Variants in LRCH3 observed in about 807,000 individuals in gnomAD.
LRCH3 encodes DISP complex protein LRCH3.
In LRCH3, 68 loss-of-function variants were observed where a neutral mutation model predicts 104.5. The observed-to-expected ratio is 0.65, with a 90% confidence interval of 0.54 to 0.80. The LOEUF is 0.80. Ranked by LOEUF, LRCH3 falls within the 30% of genes least tolerant of loss-of-function variation. The pLI, the probability that LRCH3 is intolerant of heterozygous loss-of-function variation, is 0.00. For missense variants in LRCH3, 951 were observed against 953.9 expected (o/e 1.00, Z 0.04); for synonymous variants, 344 against 361.3 (o/e 0.95, Z 0.54).
rs768197270 is a variant in LRCH3, at chr3:197,866,109, T to TA, written c.1766-2dup. The TA allele has an allele frequency of 6.3e-7, 1 of 1,599,932 alleles. No individual in the cohort carries two copies. The highest frequency in any genetic ancestry group is 1.3e-5 in the African/African-American group (1 of 74,764). ...TCTCATTTTATTTTTCATGCTAATT[T>TA]AGTTCATCATTCCCCTGCATATTCT... is the stretch of plus-strand genomic sequence containing the variant. On this transcript the variant is annotated splice_region_variant and splice_polypyrimidine_tract_variant and intron_variant, in intron 16 of 20. Coordinates refer to ENST00000425562, the MANE Select transcript of LRCH3 (RefSeq NM_001365715.1).
At chr3:197,868,986 T>G (rs1359271960) in intron 17 of LRCH3, among the ~76,000 whole-genome samples, 3 of 152,250 alleles carry the variant, frequency 2.0e-5, no homozygotes, top group Non-Finnish European at 4.4e-5. Flanking sequence ...TAAAAACATT[T>G]TTAAGTGGAT....
intron 1 of LRCH3, among the ~76,000 whole-genome samples, chr3:197,797,107 C>A (rs1731296519): frequency 6.7e-6 from 1 of 149,434 alleles, no homozygotes; most frequent in Admixed American, 6.7e-5. Flanking sequence ...GCGGGCAGAT[C>A]ACCCGATGTC....
At position 197,871,410 on chromosome 3, in the gene LRCH3, A is replaced by G. The variant is rs760899741; in HGVS notation, c.2078A>G (p.Asn693Ser). The G allele has an allele frequency of 3.7e-6, 6 of 1,614,152 alleles. No homozygotes were observed. Among genetic ancestry groups the G allele is most frequent in the Admixed American group, 1.7e-5 (1 of 60,020 alleles). Residue 693 changes from asparagine (N) to serine (S), a missense_variant, in exon 19 of 21, where the codon AAT (asparagine) becomes AGT (serine). Physicochemically the swap from Asn to Ser is conservative, Grantham distance 46 (BLOSUM62 1). Coordinates refer to ENST00000425562, the MANE Select transcript of LRCH3 (RefSeq NM_001365715.1). ...TDGVVLCHLA[N>S]HVRPRSVPSI... is the part of the protein sequence containing the mutation. ...GGTGTTGTTCTTTGCCATTTGGCCA[A>G]TCATGTGCGACCTCGATCTGTCCCA...
At chr3:197,792,681 C>T (rs1373093171) in intron 1 of LRCH3, among the ~76,000 whole-genome samples, 2 of 138,108 alleles carry the variant, frequency 1.4e-5, no homozygotes, top group Admixed American at 8.0e-5. Flanking sequence ...GACGGTATCT[C>T]GCTCTTGTCT....
chr3:197,817,925 A>G (rs1389667521), intron 3 of LRCH3, among the ~76,000 whole-genome samples: 1 of 152,150 alleles, frequency 6.6e-6, no homozygotes, highest in Non-Finnish European at 1.5e-5. Context: ...GGTTCACGCC[A>G]TTCTCCTGCC....
intron 1 of LRCH3, among the ~76,000 whole-genome samples, chr3:197,801,315 A>G (rs1731873757): frequency 6.6e-6 from 1 of 152,174 alleles, no homozygotes; most frequent in South Asian, 2.1e-4. Context: ...GGGAGAAGGA[A>G]AAAGCTGTGA....
chr3:197,869,760 C>T (rs1444626068), intron 17 of LRCH3, among the ~76,000 whole-genome samples: 3 of 127,838 alleles, frequency 2.3e-5, no homozygotes, highest in East Asian at 4.7e-4. Context: ...AGGTAGAAAG[C>T]GATGCACTGT....
At chr3:197,849,095 C>G (rs1044031896) in intron 12 of LRCH3, among the ~76,000 whole-genome samples, 6 of 151,948 alleles carry the variant, frequency 3.9e-5, no homozygotes, top group African/African-American at 1.5e-4. Flanking sequence ...AAAACCCTGT[C>G]TCAAGTAAAA....
At chr3:197,815,174 G>A (rs1733664422) in intron 2 of LRCH3, 122 bp downstream of exon 2, 3 of 542,520 alleles carry the variant, frequency 5.5e-6, no homozygotes, top group East Asian at 3.4e-5. Context: ...TTCTGTATGT[G>A]CTCTTGGATA....
At chr3:197,817,365 T>TATATATATATATAG (rs1361894950) in intron 3 of LRCH3, 63 bp downstream of exon 3, 1 of 56,132 alleles carries the variant, frequency 1.8e-5, no homozygotes, top group African/African-American at 1.3e-4. Context: ...TGTGTGTATA[T>TATATATATATATAG]ATATATATAT....
At position 197,835,497 on chromosome 3, in the gene LRCH3, TAAA is replaced by T. The variant is rs79382131; in HGVS notation, c.1103-158_1103-156del. Among the ~76,000 whole-genome samples the T allele has an allele frequency of 1.5e-3, 198 of 135,042 alleles. 2 individuals are homozygous for T. The highest frequency in any genetic ancestry group is 1.3e-3 in the Non-Finnish European group (85 of 63,890). The allele number at this position is 135,042 out of a possible 152,430, so 88.6% of individuals were successfully genotyped here. ...CCACCAACCTTGGACATAAAATGGG[TAAA>T]AAAAAAAAAAAAAAAAAAGACTTAA... On this transcript the variant is annotated intron_variant, in intron 8 of 20. Coordinates refer to ENST00000425562, the MANE Select transcript of LRCH3 (RefSeq NM_001365715.1).
At chr3:197,802,557 G>GT in intron 1 of LRCH3, among the ~76,000 whole-genome samples, 1 of 152,178 alleles carries the variant, frequency 6.6e-6, no homozygotes, top group East Asian at 1.9e-4. Flanking sequence ...CTTCTCTTTA[G>GT]TTTTTTTAAG....
intron 1 of LRCH3, among the ~76,000 whole-genome samples, chr3:197,800,481 G>A (rs1173162661): frequency 6.6e-6 from 1 of 152,178 alleles, no homozygotes; most frequent in Non-Finnish European, 1.5e-5. Context: ...ACCACAGTGG[G>A]TACTACTTTA....
chr3:197,804,569 G>A (rs1732262924), intron 1 of LRCH3, among the ~76,000 whole-genome samples: 1 of 152,138 alleles, frequency 6.6e-6, no homozygotes, highest in South Asian at 2.1e-4. Flanking sequence ...GAGGACTGGG[G>A]CTTTCCACCC....
At chr3:197,845,006 G>A (rs1738433482) in intron 10 of LRCH3, among the ~76,000 whole-genome samples, 1 of 152,178 alleles carries the variant, frequency 6.6e-6, no homozygotes, top group Admixed American at 6.5e-5. Context: ...CTTGTGAGGT[G>A]AAAGAAAGTT....
chr3:197,865,530 TTAAAAAA>T (rs1461589097), intron 16 of LRCH3, 59 bp downstream of exon 16: 1 of 1,121,972 alleles, frequency 8.9e-7, no homozygotes. Flanking sequence ...ATTTTTTTAT[TTAAAAAA>T]TAATAATAAA....
intron 17 of LRCH3, 85 bp from the exon 18 acceptor site, chr3:197,870,075 G>T (rs1711953423): frequency 7.1e-7 from 1 of 1,416,454 alleles, no homozygotes; most frequent in Admixed American, 1.8e-5. Context: ...CACTGCACTT[G>T]CAGGGAAACT....
At chr3:197,876,804 T>A (rs1712944058) in intron 20 of LRCH3, among the ~76,000 whole-genome samples, 1 of 143,920 alleles carries the variant, frequency 6.9e-6, no homozygotes, top group African/African-American at 2.6e-5. Flanking sequence ...GTAGCTTCCA[T>A]GACAGTGATT....
chr3:197,822,775 A>G (rs1734630198), intron 4 of LRCH3: 2 of 151,670 alleles, frequency 1.3e-5, no homozygotes, highest in Admixed American at 6.6e-5. Flanking sequence ...AATATGTTAC[A>G]TCATTCAAAA....
Sources: allele counts gnomAD v4.1 joint callset (sites outside exome capture counted in the v4.1 genomes callset), GRCh38; gene constraint gnomAD v4.1.1; transcripts MANE v1.5; gene names NCBI Gene and HGNC (gene_info 2026-07-23, HGNC 2026-07-21).